The following MORC2 variants were observed in gnomAD, a reference collection of about 807,000 sequenced individuals.
MORC2 encodes MORC family CW-type zinc finger 2, also known as ATPase MORC2.
A neutral mutation model predicts 136.0 loss-of-function variants in MORC2; 30 were observed. The observed-to-expected ratio is 0.22, with a 90% CI of 0.17 to 0.30. The LOEUF is 0.30. Among genes scored for constraint, MORC2 ranks in the 10% least tolerant of loss-of-function variants. The pLI is 1.00. For synonymous variants in MORC2, 439 were observed against 487.0 expected, an observed-to-expected ratio of 0.90 and a Z score of 1.30; for missense variants, 922 against 1,333.1, an observed-to-expected ratio of 0.69 and a Z score of 4.80.
At chr22:30,944,844 C>T (rs929420458) in intron 6 of MORC2, among the ~76,000 whole-genome samples, 1 of 152,238 alleles carries the variant, frequency 6.6e-6, no homozygotes, top group Admixed American at 6.5e-5. Context: ...GCGAGTACCG[C>T]CAAGCTACAG....
At position 30,937,509 on chromosome 22, in the gene MORC2, C is replaced by T. The variant is rs1022335971; in HGVS notation, c.1498+74G>A. 83 of 1,567,462 alleles carry T rather than the reference C, an allele frequency of 5.3e-5. No individual in the cohort carries two copies. Among genetic ancestry groups the T allele is most frequent in the Non-Finnish European group, 6.8e-5 (79 of 1,158,644 alleles). ...CATGAATGTCAGTCAAGTTAGGAGG[C>T]TGGCAGGAAGATAGAGAAAAGAGGC... On this transcript the variant is annotated intron_variant, in intron 15 of 25. Coordinates refer to ENST00000397641, the MANE Select transcript of MORC2 (RefSeq NM_001303256.3). The surrounding 1 kb of genome is among the most constrained non-coding windows in gnomAD (Gnocchi z 4.7).
At chr22:30,961,301 C>T (rs2041041785) in intron 1 of MORC2, among the ~76,000 whole-genome samples, 1 of 152,014 alleles carries the variant, frequency 6.6e-6, no homozygotes, top group South Asian at 2.1e-4. Context: ...ACTAAATAAA[C>T]AAAAAGTATT....
intron 2 of MORC2, among the ~76,000 whole-genome samples, chr22:30,958,238 T>C (rs968555226): frequency 1.3e-5 from 2 of 152,198 alleles, no homozygotes; most frequent in Non-Finnish European, 2.9e-5. Context: ...ACACAGAACT[T>C]TGGCATAGTT....
At chr22:30,955,235 G>A (rs2040949554) in intron 3 of MORC2, among the ~76,000 whole-genome samples, 1 of 151,938 alleles carries the variant, frequency 6.6e-6, no homozygotes, top group Admixed American at 6.6e-5. Context: ...TGGGATTACA[G>A]GTGTGAGCCA....
chr22:30,937,653 G>C lies in MORC2; in HGVS notation c.1428C>G (p.Asn476Lys). 6.2e-7 allele frequency: 1 copy of C among 1,614,028 alleles called. No individual in the cohort carries two copies. Among genetic ancestry groups the C allele is most frequent in the Non-Finnish European group, 8.5e-7 (1 of 1,180,038 alleles). The part of the protein sequence containing the change: ...DEFGYLSANW[N>K]QPPSSELRYK... ...AACGCAGCTCACTGGATGGGGGCTG[G>C]TTCCAGTTGGCAGAGAGGTAGCCAA... Residue 476 changes from asparagine to lysine, a missense_variant, in exon 15 of 26, where the codon AAC becomes AAG. This residue lies in a region of MORC2 where 119 missense variants were observed against 202.7 expected (regional missense o/e 0.59). Transcript: ENST00000397641. The surrounding 1 kb of genome is among the most constrained non-coding windows in gnomAD (Gnocchi z 4.7).
At chr22:30,956,719 C>A (rs1211354951) in intron 3 of MORC2, 44 bp downstream of exon 3, 2 of 1,421,426 alleles carry the variant, frequency 1.4e-6, no homozygotes, top group Non-Finnish European at 1.9e-6. Context: ...GTAATAAATG[C>A]ATTAAGATGA....
chr22:30,957,497 C>G (rs928826557), intron 2 of MORC2, among the ~76,000 whole-genome samples: 1 of 152,236 alleles, frequency 6.6e-6, no homozygotes, highest in African/African-American at 2.4e-5. Context: ...AAAATCCACA[C>G]AGCTCTACAT....
chr22:30,956,920 C>A, intron 2 of MORC2, 123 bp from the exon 3 acceptor site: 1 of 719,534 alleles, frequency 1.4e-6, no homozygotes, highest in South Asian at 2.5e-5. Flanking sequence ...TACAGAAATT[C>A]TATAGACATT....
chr22:30,936,830 T>A (rs2040659932), intron 16 of MORC2, 102 bp downstream of exon 16: 2 of 1,324,698 alleles, frequency 1.5e-6, no homozygotes. Context: ...TTATTAGGTG[T>A]GGCAAGACAG....
In MORC2 at chr22:30,937,988, C is replaced by T; in HGVS notation, c.1215-19G>A. On this transcript the variant is annotated intron_variant, in intron 13 of 25. Coordinates refer to ENST00000397641, the MANE Select transcript of MORC2 (RefSeq NM_001303256.3). The surrounding 1 kb of genome is among the most constrained non-coding windows in gnomAD (Gnocchi z 4.7). ...ACATGCCCTACAGGGAGAAAGAGAA[C>T]AAGCTCTGTCACCCCACTGGCAACG... The T allele has an allele frequency of 6.2e-7, 1 of 1,614,020 alleles. No homozygotes were observed. The highest frequency in any genetic ancestry group is 8.5e-7 in the Non-Finnish European group (1 of 1,179,962).
rs1192232991 is a variant in MORC2, at chr22:30,967,945, A to AT, written c.-57dup. ...GCTAACTGGGAAATATAACCTTATAATGATATCGATTTCCCAGGATTCTGT... is the reference window on the plus strand; with the variant it reads ...GCTAACTGGGAAATATAACCTTATAATTGATATCGATTTCCCAGGATTCTGT... On this transcript the variant is annotated 5_prime_UTR_variant, in exon 1 of 26. Transcript: ENST00000397641. 15 of 1,374,976 alleles carry AT rather than the reference A, an allele frequency of 1.1e-5. No individual in the cohort carries two copies. The highest frequency in any genetic ancestry group is 1.0e-4 in the African/African-American group (7 of 69,366). 85.2% of individuals were successfully genotyped at this position (1,374,976 alleles called of 1,614,324 possible).
At position 30,925,779 on chromosome 22, in the gene MORC2, G is replaced by A. The variant is rs1602468689; in HGVS notation, c.*1024C>T. ...GTTAAGGGACACAGATTGTGGCGCC[G>A]TGATGGAACATGGAGGGAAGGCATG... On this transcript the variant is annotated 3_prime_UTR_variant, in exon 26 of 26. Coordinates refer to ENST00000397641, the MANE Select transcript of MORC2 (RefSeq NM_001303256.3). 1 of 153,526 alleles carries A rather than the reference G, an allele frequency of 6.5e-6. No homozygotes were observed. Among genetic ancestry groups the A allele is most frequent in the Admixed American group, 6.5e-5 (1 of 15,284 alleles). The allele number at this position is 153,526 out of a possible 1,614,324, so 9.5% of individuals were successfully genotyped here. A position where few individuals can be genotyped will look rare whatever the true frequency, so the allele number is the denominator to read the frequency against.
intron 1 of MORC2, among the ~76,000 whole-genome samples, chr22:30,963,687 G>A (rs1360333745): frequency 1.3e-5 from 2 of 152,114 alleles, no homozygotes; most frequent in East Asian, 3.8e-4. Flanking sequence ...GCGCCTGGCT[G>A]ATCACGGCTT....
At position 30,934,517 on chromosome 22, in the gene MORC2, T is replaced by TC. The variant is rs1041067717; in HGVS notation, c.2193+263dup. On this transcript the variant is annotated intron_variant, in intron 19 of 25. Coordinates refer to ENST00000397641, the MANE Select transcript of MORC2 (RefSeq NM_001303256.3). This position sits in a 1 kb window ranked among gnomAD's most constrained non-coding sequence, Gnocchi z 4.4. ...CAGATGACTGACCTAAGCCCACACT[T>TC]CGAGAGCCAGTGGAGGTGACTCAAG... is the stretch of plus-strand genomic sequence containing the variant. Among the ~76,000 whole-genome samples the TC allele has an allele frequency of 3.9e-5, 6 of 151,990 alleles. No homozygotes were observed. The highest frequency in any genetic ancestry group is 1.5e-4 in the African/African-American group (6 of 41,354).
intron 1 of MORC2, 92 bp from the exon 2 acceptor site, chr22:30,958,786 G>T: frequency 8.3e-7 from 1 of 1,204,980 alleles, no homozygotes; most frequent in Non-Finnish European, 1.2e-6. Context: ...TAAGTTTTTT[G>T]AAAAAAATCT....
intron 5 of MORC2, among the ~76,000 whole-genome samples, chr22:30,947,046 C>T (rs935295924): frequency 3.3e-5 from 5 of 152,186 alleles, no homozygotes; most frequent in African/African-American, 9.7e-5. Flanking sequence ...GAACCCAAGG[C>T]GCAGTAATAC....
chr22:30,967,708 C>T, intron 1 of MORC2, 114 bp downstream of exon 1: 1 of 1,510,552 alleles, frequency 6.6e-7, no homozygotes. Flanking sequence ...ACATTTCACT[C>T]CAGTGGGATA....
chr22:30,928,187 A>G lies in MORC2; in HGVS notation c.2862T>C (p.Tyr954=). ...TGCACAGGTTTTGGAGCCCTACTTC[A>G]TATTGCTTGAAGTACTCCTTCTGTT... ...SFPLKEYFKQ[Y]EVGLQNLCNS... Residue 954 remains tyrosine, a synonymous_variant, in exon 25 of 26, where the codon TAT becomes TAC. Transcript: ENST00000397641. 1 of 1,613,978 alleles carries G rather than the reference A, an allele frequency of 6.2e-7. No homozygotes were observed. Among genetic ancestry groups the G allele is most frequent in the Non-Finnish European group, 8.5e-7 (1 of 1,179,980 alleles).
intron 3 of MORC2, among the ~76,000 whole-genome samples, chr22:30,951,241 A>G (rs1260702203): frequency 6.6e-6 from 1 of 152,234 alleles, no homozygotes; most frequent in African/African-American, 2.4e-5. Flanking sequence ...CTGCCATTCT[A>G]GTGAAAAGAA....
Sources: gnomAD v4.1 joint callset for allele counts (sites outside exome capture counted in the v4.1 genomes callset) on GRCh38, gnomAD v4.1.1 for gene constraint, gnomAD v4.1.1 regional missense constraint, Gnocchi (gnomAD v3.1) non-coding constraint, MANE v1.5 for transcripts, NCBI Gene and HGNC (gene_info 2026-07-23, HGNC 2026-07-21) for gene names.